The following CPNE5 variants were observed in gnomAD, a reference collection of about 807,000 sequenced individuals.
The protein encoded by CPNE5 is copine 5.
In CPNE5, 42 loss-of-function variants were observed where a neutral mutation model predicts 81.1. That is an observed-to-expected ratio of 0.52 (90% CI 0.40 to 0.67). The LOEUF is 0.67. CPNE5 is among the 30% of genes least tolerant of loss of function. The pLI is 0.00. For missense variants in CPNE5, 612 were observed against 815.5 expected, an observed-to-expected ratio of 0.75 and a Z score of 3.04; for synonymous variants, 313 against 321.5, an observed-to-expected ratio of 0.97 and a Z score of 0.28.
At chr6:36,829,922 C>T (rs1004224503) in intron 1 of CPNE5, among the ~76,000 whole-genome samples, 5 of 149,812 alleles carry the variant, frequency 3.3e-5, no homozygotes, top group African/African-American at 1.2e-4. Flanking sequence ...TACTGACCAG[C>T]GTCACCCCAT....
chr6:36,761,125 C>T (rs1489375786), intron 12 of CPNE5, among the ~76,000 whole-genome samples: 2 of 152,214 alleles, frequency 1.3e-5, no homozygotes, highest in African/African-American at 2.4e-5. Context: ...AAGCCAAGCT[C>T]GGAGAGATCT....
At chr6:36,801,021 C>T (rs995193330) in intron 3 of CPNE5, among the ~76,000 whole-genome samples, 4 of 152,318 alleles carry the variant, frequency 2.6e-5, no homozygotes, top group East Asian at 1.9e-4. Context: ...GACCCTGAGC[C>T]GGAGGACCCA....
intron 1 of CPNE5, among the ~76,000 whole-genome samples, chr6:36,823,714 G>A (rs1314740613): frequency 2.6e-5 from 4 of 152,158 alleles, no homozygotes; most frequent in East Asian, 1.9e-4. Context: ...GGGACAGAAC[G>A]GTCTTTCAAC....
intron 14 of CPNE5, among the ~76,000 whole-genome samples, chr6:36,751,743 C>T (rs1022440320): frequency 8.6e-5 from 13 of 151,884 alleles, no homozygotes. Flanking sequence ...TGCAGTAAGC[C>T]GAGATTGTGC....
At chr6:36,758,931 T>C (rs1191856752) in intron 12 of CPNE5, among the ~76,000 whole-genome samples, 1 of 152,132 alleles carries the variant, frequency 6.6e-6, no homozygotes, top group African/African-American at 2.4e-5. Flanking sequence ...GATGGTGAGG[T>C]GCTCACGGAC....
At chr6:36,744,127 C>T in intron 19 of CPNE5, 141 bp downstream of exon 19, 1 of 748,862 alleles carries the variant, frequency 1.3e-6, no homozygotes, top group Non-Finnish European at 2.3e-6. Context: ...CTCACCCAGA[C>T]ACACACGCCC....
chr6:36,773,464 G>T (rs931756396), intron 10 of CPNE5, among the ~76,000 whole-genome samples: 3 of 152,200 alleles, frequency 2.0e-5, no homozygotes, highest in Non-Finnish European at 4.4e-5. Context: ...TCCCCTACTG[G>T]CATGTAAACA....
intron 8 of CPNE5, among the ~76,000 whole-genome samples, chr6:36,782,865 ACAC>A (rs1195720062): frequency 3.4e-5 from 5 of 148,594 alleles, no homozygotes; most frequent in African/African-American, 1.2e-4. Flanking sequence ...ACACACACAC[ACAC>A]AAAACGGCAC....
intron 13 of CPNE5, chr6:36,754,169 A>G (rs199793796): frequency 6.6e-6 from 1 of 151,256 alleles, no homozygotes; most frequent in African/African-American, 2.4e-5. Flanking sequence ...GCCCAGACCC[A>G]TTATAGCCGA....
chr6:36,762,487 T>C (rs1209750222), intron 12 of CPNE5, among the ~76,000 whole-genome samples: 1 of 152,144 alleles, frequency 6.6e-6, no homozygotes, highest in East Asian at 1.9e-4. Context: ...CTCATTCTCT[T>C]GAAGTTTTCA....
In CPNE5 at chr6:36,775,305, C is replaced by A. The variant is rs1489992648; in HGVS notation, c.633-240G>T. 3.3e-5 allele frequency among the ~76,000 whole-genome samples: 5 copies of A among 152,206 alleles called. No individual in the cohort carries two copies. The South Asian group carries it at 6.2e-4, about 19-fold the overall frequency. Reference sequence around the variant, plus strand: ...TGAGGACCTGGAGGTGGGGACAAGTCCCAGGGTGTCAGGAGCCCTGGGTTC... The same window carrying A: ...TGAGGACCTGGAGGTGGGGACAAGTACCAGGGTGTCAGGAGCCCTGGGTTC... On this transcript the variant is annotated intron_variant, in intron 9 of 20. Coordinates refer to ENST00000244751, the MANE Select transcript of CPNE5 (RefSeq NM_020939.2).
chr6:36,767,362 G>A (rs932173644), intron 10 of CPNE5, among the ~76,000 whole-genome samples: 3 of 152,160 alleles, frequency 2.0e-5, no homozygotes, highest in African/African-American at 4.8e-5. Flanking sequence ...GTTCCGGAGT[G>A]ATGACCTCCA....
rs1179099217 is a variant in CPNE5, at chr6:36,756,359, G to A, written c.856-61C>T. On this transcript the variant is annotated intron_variant, in intron 12 of 20. Transcript: ENST00000244751. ...TCCAGGCAGTCAGGGTGAGTCTTGAGGGCTTCCAACCACCCATGGGTGTGG... is the reference window on the plus strand; with the variant it reads ...TCCAGGCAGTCAGGGTGAGTCTTGAAGGCTTCCAACCACCCATGGGTGTGG... The A allele has an allele frequency of 4.8e-6, 7 of 1,465,458 alleles. No homozygotes were observed. The South Asian group carries it at 8.1e-5, about 17-fold the overall frequency. 90.8% of individuals were successfully genotyped at this position (1,465,458 alleles called of 1,614,324 possible). A position where few individuals can be genotyped will look rare whatever the true frequency, so the allele number is the denominator to read the frequency against.
intron 3 of CPNE5, among the ~76,000 whole-genome samples, chr6:36,810,554 G>A (rs1050460210): frequency 5.3e-5 from 8 of 152,202 alleles, no homozygotes; most frequent in Non-Finnish European, 2.9e-5. Context: ...GCGCCCAGTG[G>A]CTGGGAAGAG....
At chr6:36,797,010 T>C (rs560215535) in intron 6 of CPNE5, among the ~76,000 whole-genome samples, 16 of 152,316 alleles carry the variant, frequency 1.1e-4, no homozygotes, top group African/African-American at 3.6e-4. Flanking sequence ...GTTCAAGTGA[T>C]TCTCGTGCCT....
chr6:36,819,771 T>A (rs1312371978), intron 3 of CPNE5, among the ~76,000 whole-genome samples: 1 of 152,046 alleles, frequency 6.6e-6, no homozygotes, highest in East Asian at 1.9e-4. Flanking sequence ...ACCCCTCTCT[T>A]AGTGGAGACC....
intron 1 of CPNE5, 150 bp from the exon 2 acceptor site, chr6:36,823,248 G>T: frequency 1.8e-6 from 1 of 558,714 alleles, no homozygotes. Context: ...TTCATTAAAA[G>T]CCAGGCACTG....
At chr6:36,762,166 T>C (rs1290113787) in intron 12 of CPNE5, among the ~76,000 whole-genome samples, 1 of 146,958 alleles carries the variant, frequency 6.8e-6, no homozygotes, top group African/African-American at 2.5e-5. Context: ...GGTGGGAGGA[T>C]CGCTTGAGCC....
chr6:36,743,667 G>A (rs1562079989), intron 20 of CPNE5, 22 bp downstream of exon 20: 1 of 1,608,524 alleles, frequency 6.2e-7, no homozygotes, highest in East Asian at 2.2e-5. Context: ...TTCCCATGGG[G>A]CAGGCAAGGC....
Sources: allele counts gnomAD v4.1 joint callset (sites outside exome capture counted in the v4.1 genomes callset), GRCh38; gene constraint gnomAD v4.1.1; transcripts MANE v1.5; gene names NCBI Gene and HGNC (gene_info 2026-07-23, HGNC 2026-07-21).